The following TRHDE variants were observed in gnomAD, a reference collection of about 807,000 sequenced individuals.
TRHDE encodes thyrotropin-releasing hormone-degrading ectoenzyme.
TRHDE carries 72 observed loss-of-function variants against 125.7 expected under a neutral mutation model. The observed-to-expected ratio is 0.57, with a 90% confidence interval of 0.47 to 0.70. The LOEUF is 0.70. Among genes scored for constraint, TRHDE ranks in the 30% least tolerant of loss-of-function variants. The pLI is 0.00. For synonymous variants in TRHDE, 509 were observed against 509.1 expected (o/e 1.00, Z 0.00); for missense variants, 1,110 against 1,327.1 (o/e 0.84, Z 2.54).
At chr12:72,521,160 A>T (rs1470504195) in intron 6 of TRHDE, among the ~76,000 whole-genome samples, 1 of 152,216 alleles carries the variant, frequency 6.6e-6, no homozygotes, top group Non-Finnish European at 1.5e-5. Flanking sequence ...TTTTCCTTTC[A>T]TCTGACCATT....
intron 3 of TRHDE, among the ~76,000 whole-genome samples, chr12:72,460,229 A>T (rs1436105768): frequency 2.0e-5 from 3 of 152,228 alleles, no homozygotes; most frequent in Non-Finnish European, 4.4e-5. Context: ...TAACACTCAC[A>T]GTAGTCCTGC....
chr12:72,537,400 A>T (rs924267080), intron 6 of TRHDE, among the ~76,000 whole-genome samples: 1 of 151,992 alleles, frequency 6.6e-6, no homozygotes, highest in South Asian at 2.1e-4. Flanking sequence ...TACTCATGAT[A>T]GTAATCGAAT....
At chr12:72,187,876 A>G (rs1051972487) in intron 2 of TRHDE, among the ~76,000 whole-genome samples, 17 of 152,202 alleles carry the variant, frequency 1.1e-4, no homozygotes, top group Non-Finnish European at 1.8e-4. Context: ...ACCAGATTAA[A>G]TGTAGCTAAG....
At chr12:72,174,064 A>G (rs1368298664) in intron 2 of TRHDE, among the ~76,000 whole-genome samples, 1 of 152,214 alleles carries the variant, frequency 6.6e-6, no homozygotes, top group Non-Finnish European at 1.5e-5. Flanking sequence ...ACAGAATATT[A>G]AACGTTGATG....
intron 1 of TRHDE, among the ~76,000 whole-genome samples, chr12:72,282,348 A>G (rs1176994103): frequency 7.2e-5 from 11 of 151,890 alleles, no homozygotes; most frequent in Admixed American, 7.2e-4. Flanking sequence ...CCACAAATTC[A>G]CTCCAAACTT....
intron 2 of TRHDE, among the ~76,000 whole-genome samples, chr12:72,178,516 C>A (rs1877034132): frequency 6.6e-6 from 1 of 152,020 alleles, no homozygotes; most frequent in South Asian, 2.1e-4. Context: ...GTTTTACTAA[C>A]TAGAAATATC....
chr12:72,095,659 G>A (rs550993509), intron 1 of TRHDE, among the ~76,000 whole-genome samples: 14 of 152,288 alleles, frequency 9.2e-5, no homozygotes, highest in East Asian at 3.9e-4. Flanking sequence ...GTGATAGCAC[G>A]CTGGTAGGAT....
chr12:72,342,799 AT>A (rs200127833), intron 2 of TRHDE, among the ~76,000 whole-genome samples: 2 of 151,886 alleles, frequency 1.3e-5, no homozygotes, highest in South Asian at 2.1e-4. Context: ...TGGATGGAGC[AT>A]TTTTTTTCCC....
chr12:72,651,137 CAAAATT>C (rs1874489217), intron 15 of TRHDE, among the ~76,000 whole-genome samples: 1 of 152,052 alleles, frequency 6.6e-6, no homozygotes. Context: ...CTTCAGTTAA[CAAAATT>C]AAAGTAACGT....
At chr12:72,473,581 T>C (rs1460148845) in intron 5 of TRHDE, among the ~76,000 whole-genome samples, 5 of 152,116 alleles carry the variant, frequency 3.3e-5, no homozygotes, top group African/African-American at 1.2e-4. Flanking sequence ...ACCTAAAAGA[T>C]ACGATGTATT....
Position 72,377,148 on chromosome 12 carries a change from A to T in TRHDE, c.1189-847A>T, listed in dbSNP as rs569430793. 7.9e-5 allele frequency among the ~76,000 whole-genome samples: 12 copies of T among 152,310 alleles called. No individual in the cohort carries two copies. In the Middle Eastern group the frequency reaches 0.014, roughly 173 times the overall value. ...TACATATTTCTTTTTCATAGAATTG[A>T]TATGAGGATTAGGGACCACATCTGT... On this transcript the variant is annotated intron_variant, in intron 2 of 18. Coordinates refer to ENST00000261180, the MANE Select transcript of TRHDE (RefSeq NM_013381.3).
intron 2 of TRHDE, among the ~76,000 whole-genome samples, chr12:72,245,235 T>TTGTGTGTGTG (rs760361021): frequency 7.0e-6 from 1 of 141,956 alleles, no homozygotes; most frequent in African/African-American, 2.9e-5. Context: ...ATATCTATGT[T>TTGTGTGTGTG]TGTGTGTATG....
intron 18 of TRHDE, among the ~76,000 whole-genome samples, chr12:72,659,186 T>C (rs1318612524): frequency 6.6e-6 from 1 of 152,234 alleles, no homozygotes; most frequent in Non-Finnish European, 1.5e-5. Flanking sequence ...ACGCTTACAT[T>C]GTTCCATGGT....
At chr12:72,098,088 G>A (rs904692222) in intron 1 of TRHDE, among the ~76,000 whole-genome samples, 6 of 150,828 alleles carry the variant, frequency 4.0e-5, no homozygotes, top group African/African-American at 7.3e-5. Context: ...TCACTATGTC[G>A]CCCGGGCTTG....
At chr12:72,139,596 C>T (rs936114915) in intron 2 of TRHDE, among the ~76,000 whole-genome samples, 8 of 151,958 alleles carry the variant, frequency 5.3e-5, no homozygotes, top group African/African-American at 1.9e-4. Context: ...TTAGGAATGA[C>T]ACAGGTGGTA....
chr12:72,643,398 A>G (rs917480351), intron 15 of TRHDE, among the ~76,000 whole-genome samples: 3 of 152,184 alleles, frequency 2.0e-5, no homozygotes, highest in African/African-American at 7.2e-5. Flanking sequence ...AGCCATTGAG[A>G]AGACTGAAAC....
intron 2 of TRHDE, among the ~76,000 whole-genome samples, chr12:72,287,436 T>C (rs910260788): frequency 1.1e-4 from 17 of 152,174 alleles, no homozygotes; most frequent in African/African-American, 3.9e-4. Context: ...AAGTAAAACA[T>C]AGGATGGAGT....
intron 2 of TRHDE, among the ~76,000 whole-genome samples, chr12:72,138,976 G>A (rs999259453): frequency 6.6e-6 from 1 of 152,192 alleles, no homozygotes; most frequent in African/African-American, 2.4e-5. Flanking sequence ...CTATAAAAAA[G>A]GGGTATCTCA....
At chr12:72,264,759 G>A (rs1008228057) in intron 2 of TRHDE, 2 of 151,858 alleles carry the variant, frequency 1.3e-5, no homozygotes, top group African/African-American at 4.8e-5. Flanking sequence ...CCCACAAGGT[G>A]GCACTAAAGA....
Sources: allele counts gnomAD v4.1 joint callset (sites outside exome capture counted in the v4.1 genomes callset), GRCh38; gene constraint gnomAD v4.1.1; transcripts MANE v1.5; gene names NCBI Gene and HGNC (gene_info 2026-07-23, HGNC 2026-07-21).